Variants in MLIP observed in about 807,000 individuals in gnomAD.
MLIP encodes muscular LMNA interacting protein, also known as muscular LMNA-interacting protein.
MLIP carries 79 observed loss-of-function variants against 84.8 expected under a neutral mutation model. The ratio of observed to expected loss-of-function variants is 0.93; its 90% CI spans 0.78 to 1.12. The LOEUF is 1.12. Among genes scored for constraint, MLIP ranks in the 50% most tolerant of loss-of-function variants. The pLI is 0.00. For missense variants in MLIP, 1,257 were observed against 1,160.6 expected, an observed-to-expected ratio of 1.08 and a Z score of -1.21; for synonymous variants, 504 against 463.0, an observed-to-expected ratio of 1.09 and a Z score of -1.14.
chr6:54,117,363 C>T (rs951587102), intron 1 of MLIP, among the ~76,000 whole-genome samples: 21 of 151,570 alleles, frequency 1.4e-4, no homozygotes, highest in Admixed American at 2.6e-4. Context: ...TACAGGCACC[C>T]GCCACGACGC....
chr6:54,180,429 G>T (rs1181967808), intron 9 of MLIP, among the ~76,000 whole-genome samples: 1 of 151,938 alleles, frequency 6.6e-6, no homozygotes, highest in Non-Finnish European at 1.5e-5. Flanking sequence ...TCCTACCTTT[G>T]TTTCTTTCTC....
chr6:54,230,178 T>A (rs1003628219), intron 11 of MLIP, among the ~76,000 whole-genome samples: 4 of 152,158 alleles, frequency 2.6e-5, no homozygotes, highest in African/African-American at 9.7e-5. Context: ...AGACCCACCC[T>A]TCCCTGATTC....
intron 1 of MLIP, among the ~76,000 whole-genome samples, chr6:54,090,312 T>C (rs6941814): frequency 0.012 from 1,833 of 152,212 alleles, 33 homozygotes; most frequent in African/African-American, 0.041. Flanking sequence ...TAGGATGTCT[T>C]GAGATATAAA....
rs115987482 is a variant in MLIP, at chr6:54,261,983, G to A, written c.2977-3967G>A. ...ATGCATTGATAGACAAATGGCTACAGGGCCAGGGTAAATTTGTCTTATAAA... is the reference window on the plus strand; with the variant it reads ...ATGCATTGATAGACAAATGGCTACAAGGCCAGGGTAAATTTGTCTTATAAA... On this transcript the variant is annotated intron_variant, in intron 13 of 13. Transcript: ENST00000502396. Among the ~76,000 whole-genome samples the A allele has an allele frequency of 6.2e-3, 939 of 152,094 alleles. 12 individuals carry two copies. The highest frequency in any genetic ancestry group is 0.022 in the African/African-American group (902 of 41,524).
chr6:54,078,937 G>C (rs543845418), intron 1 of MLIP, among the ~76,000 whole-genome samples: 2 of 151,782 alleles, frequency 1.3e-5, no homozygotes, highest in African/African-American at 2.4e-5. Flanking sequence ...GTGATCTGCC[G>C]GCCTTGGCCT....
At chr6:54,248,837 A>T (rs1389888649) in intron 12 of MLIP, among the ~76,000 whole-genome samples, 1 of 152,150 alleles carries the variant, frequency 6.6e-6, no homozygotes, top group Non-Finnish European at 1.5e-5. Flanking sequence ...ACCAATATTC[A>T]GTAGTGAGTG....
intron 1 of MLIP, among the ~76,000 whole-genome samples, chr6:54,073,614 C>T (rs938056310): frequency 1.3e-5 from 2 of 152,156 alleles, no homozygotes; most frequent in East Asian, 3.9e-4. Context: ...TCCTGAGCCC[C>T]ATCTCCAGAG....
At chr6:54,142,548 G>A (rs956972101) in intron 4 of MLIP, among the ~76,000 whole-genome samples, 1 of 152,180 alleles carries the variant, frequency 6.6e-6, no homozygotes, top group Non-Finnish European at 1.5e-5. Context: ...TAGCAGTGAG[G>A]AACAGGATGT....
intron 10 of MLIP, among the ~76,000 whole-genome samples, 156 bp from the exon 11 acceptor site, chr6:54,201,949 T>C (rs1238670900): frequency 6.6e-6 from 1 of 152,214 alleles, no homozygotes; most frequent in African/African-American, 2.4e-5. Flanking sequence ...ATCATTTGAC[T>C]TCAGGCTGTT....
intron 11 of MLIP, among the ~76,000 whole-genome samples, chr6:54,205,925 C>T (rs1272357853): frequency 6.6e-6 from 1 of 152,144 alleles, no homozygotes; most frequent in African/African-American, 2.4e-5. Flanking sequence ...AATGTCCTCA[C>T]ACTTTGCCAT....
intron 12 of MLIP, among the ~76,000 whole-genome samples, chr6:54,238,327 A>G (rs1226776394): frequency 2.0e-5 from 3 of 151,998 alleles, no homozygotes. Context: ...CATTTCTTCT[A>G]TCTTCTACTC....
chr6:54,189,989 A>G, intron 10 of MLIP, 75 bp downstream of exon 10: 1 of 980,900 alleles, frequency 1.0e-6, no homozygotes, highest in Non-Finnish European at 1.6e-6. Flanking sequence ...TAAAAGTGAA[A>G]AAAAGAATAC....
At chr6:54,124,251 GA>G (rs769770503) in intron 2 of MLIP, among the ~76,000 whole-genome samples, 6 of 152,064 alleles carry the variant, frequency 3.9e-5, no homozygotes, top group Non-Finnish European at 5.9e-5. Flanking sequence ...TGTTGATGTT[GA>G]TTACTATCCC....
upstream of MLIP, among the ~76,000 whole-genome samples, chr6:54,107,300 G>T (rs1769086659): frequency 6.6e-6 from 1 of 152,168 alleles, no homozygotes; most frequent in Non-Finnish European, 1.5e-5. Context: ...AGTTATAGCG[G>T]TATACTACTA....
chr6:54,107,396 T>C (rs1053512917), upstream of MLIP, among the ~76,000 whole-genome samples: 1 of 152,188 alleles, frequency 6.6e-6, no homozygotes, highest in African/African-American at 2.4e-5. Flanking sequence ...ATATTGTTGA[T>C]GAGATGTCAG....
At chr6:54,082,469 T>C (rs1767222915) in intron 1 of MLIP, among the ~76,000 whole-genome samples, 1 of 152,154 alleles carries the variant, frequency 6.6e-6, no homozygotes, top group Non-Finnish European at 1.5e-5. Flanking sequence ...ACCAGGTCCC[T>C]CCCCTAACAC....
chr6:54,251,173 A>G (rs1782451979), intron 12 of MLIP, among the ~76,000 whole-genome samples: 1 of 151,910 alleles, frequency 6.6e-6, no homozygotes, highest in South Asian at 2.1e-4. Flanking sequence ...GTTGGAATAG[A>G]TAAATATTTG....
At chr6:54,028,275 C>T (rs529698868) in intron 1 of MLIP, among the ~76,000 whole-genome samples, 4 of 151,862 alleles carry the variant, frequency 2.6e-5, no homozygotes, top group African/African-American at 7.3e-5. Context: ...GGGAAGACAC[C>T]CCCCTCCACC....
At chr6:54,215,298 A>G in intron 11 of MLIP, 5 of 1,447,242 alleles carry the variant, frequency 3.5e-6, no homozygotes, top group Non-Finnish European at 4.5e-6. Flanking sequence ...ATTCAATGGC[A>G]AGAACATGGG....
Sources: allele counts gnomAD v4.1 joint callset (sites outside exome capture counted in the v4.1 genomes callset), GRCh38; gene constraint gnomAD v4.1.1; transcripts MANE v1.5; gene names NCBI Gene and HGNC (gene_info 2026-07-23, HGNC 2026-07-21).